FOXP1: variants seen among roughly 807,000 people sequenced by gnomAD.
The protein encoded by FOXP1 is forkhead box protein P1.
In FOXP1, 15 loss-of-function variants were observed where a neutral mutation model predicts 98.2. The ratio of observed to expected loss-of-function variants is 0.15; its 90% confidence interval spans 0.10 to 0.24. The LOEUF (loss-of-function observed/expected upper bound fraction) is 0.24. FOXP1 is among the 10% of genes least tolerant of loss of function. The pLI, the probability that FOXP1 is intolerant of heterozygous loss-of-function variation, is 1.00. For synonymous variants in FOXP1, 371 were observed against 314.5 expected, an observed-to-expected ratio of 1.18 and a Z score of -1.90; for missense variants, 633 against 848.5, an observed-to-expected ratio of 0.75 and a Z score of 3.15.
chr3:71,100,863 T>A (rs901081145), intron 7 of FOXP1, among the ~76,000 whole-genome samples: 5 of 152,216 alleles, frequency 3.3e-5, no homozygotes, highest in African/African-American at 1.2e-4. Flanking sequence ...AAAGCTGGAA[T>A]GCTAATTAAC....
chr3:71,579,000 G>A (rs2047938377), intron 2 of FOXP1, among the ~76,000 whole-genome samples: 1 of 152,032 alleles, frequency 6.6e-6, no homozygotes, highest in Non-Finnish European at 1.5e-5. Context: ...ATACAATAAA[G>A]GTATATCTAG....
chr3:71,155,352 A>G (rs192740565), intron 6 of FOXP1, among the ~76,000 whole-genome samples: 2 of 152,364 alleles, frequency 1.3e-5, no homozygotes, highest in East Asian at 1.9e-4. Context: ...AATTTTTAGT[A>G]GCTGCACTTA....
chr3:71,431,360 G>T (rs1390775120), intron 3 of FOXP1, among the ~76,000 whole-genome samples: 1 of 152,094 alleles, frequency 6.6e-6, no homozygotes, highest in South Asian at 2.1e-4. Flanking sequence ...TACCTGTGTG[G>T]TTTTCTCAGC....
intron 3 of FOXP1, among the ~76,000 whole-genome samples, chr3:71,406,243 A>G (rs950845527): frequency 2.0e-5 from 3 of 151,958 alleles, no homozygotes; most frequent in South Asian, 2.1e-4. Context: ...ATGGGCCCCA[A>G]CGGGCTGAAA....
chr3:71,440,865 A>G (rs2085866966), intron 3 of FOXP1, among the ~76,000 whole-genome samples: 1 of 152,178 alleles, frequency 6.6e-6, no homozygotes, highest in South Asian at 2.1e-4. Flanking sequence ...ACCCTGTCTC[A>G]AAAATAAAAT....
intron 3 of FOXP1, among the ~76,000 whole-genome samples, chr3:71,410,324 A>G (rs1204763756): frequency 2.6e-5 from 4 of 152,192 alleles, no homozygotes; most frequent in African/African-American, 9.6e-5. Context: ...AACTGCCCAC[A>G]ATTTTTTTTA....
At chr3:71,553,886 A>G (rs1401809160) in intron 2 of FOXP1, among the ~76,000 whole-genome samples, 1 of 152,232 alleles carries the variant, frequency 6.6e-6, no homozygotes, top group East Asian at 1.9e-4. Context: ...AATTATTTAT[A>G]AATGTTGGTA....
intron 11 of FOXP1, among the ~76,000 whole-genome samples, chr3:71,027,578 A>G (rs2046297537): frequency 6.6e-6 from 1 of 152,198 alleles, no homozygotes; most frequent in Admixed American, 6.5e-5. Flanking sequence ...AGATTTAATT[A>G]AACACCTACT....
chr3:71,172,079 C>T (rs751052326), intron 6 of FOXP1, among the ~76,000 whole-genome samples: 1 of 152,162 alleles, frequency 6.6e-6, no homozygotes, highest in African/African-American at 2.4e-5. Flanking sequence ...ATCCTTCCTG[C>T]CAAATCTCAT....
chr3:71,117,743 T>C (rs2058475016), intron 6 of FOXP1, among the ~76,000 whole-genome samples: 1 of 152,180 alleles, frequency 6.6e-6, no homozygotes, highest in Non-Finnish European at 1.5e-5. Flanking sequence ...CTTTTACTCT[T>C]GGGTGGTTCC....
At chr3:71,526,824 G>C (rs1037913211) in intron 2 of FOXP1, among the ~76,000 whole-genome samples, 10 of 151,986 alleles carry the variant, frequency 6.6e-5, no homozygotes, top group Non-Finnish European at 1.2e-4. Flanking sequence ...AAAATTAGTC[G>C]GGCGTGGTGG....
chr3:71,328,745 G>A (rs1484053642), intron 4 of FOXP1, among the ~76,000 whole-genome samples: 2 of 152,086 alleles, frequency 1.3e-5, no homozygotes, highest in African/African-American at 4.8e-5. Context: ...GGCTGAGGCA[G>A]TTGGATCACC....
At chr3:71,306,607 C>T (rs898079055) in intron 4 of FOXP1, among the ~76,000 whole-genome samples, 3 of 105,000 alleles carry the variant, frequency 2.9e-5, no homozygotes, top group African/African-American at 1.1e-4. Flanking sequence ...TACATTCAAG[C>T]ATATCTAGTT....
intron 2 of FOXP1, among the ~76,000 whole-genome samples, chr3:71,524,777 T>C (rs866278193): frequency 6.6e-6 from 1 of 152,140 alleles, no homozygotes; most frequent in Admixed American, 6.5e-5. Context: ...TAGGCAGTAA[T>C]CAGAAAATGT....
At chr3:71,519,562 G>A (rs575217339) in intron 2 of FOXP1, among the ~76,000 whole-genome samples, 8 of 152,096 alleles carry the variant, frequency 5.3e-5, no homozygotes, top group Non-Finnish European at 1.2e-4. Flanking sequence ...CCACTTTCCT[G>A]GGCATTGTCT....
intron 12 of FOXP1, among the ~76,000 whole-genome samples, chr3:71,007,401 G>A (rs1356216167): frequency 2.6e-5 from 4 of 152,132 alleles, no homozygotes; most frequent in East Asian, 1.9e-4. Flanking sequence ...ACATTCAGGC[G>A]TGCAAGCCGA....
intron 6 of FOXP1, chr3:71,130,776 T>C: frequency 7.0e-7 from 1 of 1,438,396 alleles, no homozygotes; most frequent in Non-Finnish European, 9.1e-7. Flanking sequence ...ATTCCTCAAG[T>C]AATTCTTCAC....
chr3:71,406,348 G>A (rs1041607880), intron 3 of FOXP1, among the ~76,000 whole-genome samples: 1 of 137,014 alleles, frequency 7.3e-6, no homozygotes, highest in Non-Finnish European at 1.6e-5. Flanking sequence ...GCCTCTTCCC[G>A]AATTATTTTC....
intron 5 of FOXP1, among the ~76,000 whole-genome samples, chr3:71,243,387 G>A (rs1490465510): frequency 2.0e-5 from 3 of 152,184 alleles, no homozygotes; most frequent in Non-Finnish European, 4.4e-5. Context: ...AGGAATGTGC[G>A]AGCACAGTCA....
Sources: allele counts gnomAD v4.1 joint callset (sites outside exome capture counted in the v4.1 genomes callset), GRCh38; gene constraint gnomAD v4.1.1; transcripts MANE v1.5; gene names NCBI Gene and HGNC (gene_info 2026-07-23, HGNC 2026-07-21).